ADGRL4: variants seen among roughly 807,000 people sequenced by gnomAD.
ADGRL4 encodes the protein adhesion G protein-coupled receptor L4.
ADGRL4 carries 90 observed loss-of-function variants against 74.8 expected under a neutral mutation model. That is an observed-to-expected ratio of 1.20 (90% CI 1.02 to 1.43). The LOEUF (loss-of-function observed/expected upper bound fraction) is 1.43. Ranked by LOEUF, ADGRL4 falls within the 40% of genes most tolerant of loss-of-function variation. The probability of loss-of-function intolerance (pLI) is 0.00; values close to 1 mark genes in which losing one functional copy is unlikely to be tolerated. For synonymous variants in ADGRL4, 311 were observed against 279.2 expected (o/e 1.11, Z -1.14); for missense variants, 881 against 814.3 (o/e 1.08, Z -1.00).
intron 2 of ADGRL4, among the ~76,000 whole-genome samples, chr1:78,974,309 G>T (rs1046804926): frequency 3.9e-5 from 6 of 152,018 alleles, no homozygotes; most frequent in Non-Finnish European, 7.4e-5. Flanking sequence ...TAGTACTATG[G>T]TCTATCTTCT....
chr1:79,006,497 A>G (rs1160051447), intron 1 of ADGRL4, 136 bp downstream of exon 1: 2 of 944,880 alleles, frequency 2.1e-6, no homozygotes, highest in Non-Finnish European at 3.1e-6. Flanking sequence ...ACATCCTGAG[A>G]AGTACTAAAT....
At chr1:78,923,030 TTGTC>T (rs1250991037) in intron 8 of ADGRL4, among the ~76,000 whole-genome samples, 4 of 151,946 alleles carry the variant, frequency 2.6e-5, no homozygotes, top group Non-Finnish European at 5.9e-5. Flanking sequence ...AACTGTGAGT[TTGTC>T]TGGAATGAGT....
At position 78,937,982 on chromosome 1, in the gene ADGRL4, T is replaced by C. The variant is rs553938953; in HGVS notation, c.585A>G (p.Val195=). The change falls in exon 6 of 15, where the codon GTA becomes GTG. Residue 195 remains valine, a synonymous_variant. Coordinates refer to ENST00000370742, the MANE Select transcript of ADGRL4 (RefSeq NM_022159.4). ...TLSNSTLTEF[V]KTVNNFVQRD... is the part of the protein sequence containing the mutation. Reference sequence around the variant, plus strand: ...TTTGAACAAAATTATTCACGGTTTTTACAAATTCCTATTGAAAAAAAGTAT... The same window carrying C: ...TTTGAACAAAATTATTCACGGTTTTCACAAATTCCTATTGAAAAAAAGTAT... 2.5e-6 allele frequency: 4 copies of C among 1,609,664 alleles called. No homozygotes were observed. The highest frequency in any genetic ancestry group is 1.1e-5 in the South Asian group (1 of 89,824).
intron 1 of ADGRL4, among the ~76,000 whole-genome samples, chr1:79,005,714 CTGTT>C (rs1272385166): frequency 1.3e-5 from 2 of 152,132 alleles, no homozygotes; most frequent in Non-Finnish European, 2.9e-5. Context: ...GATGCACTTG[CTGTT>C]TTTTTCTGTG....
intron 2 of ADGRL4, among the ~76,000 whole-genome samples, chr1:78,965,723 G>A (rs1284179478): frequency 4.6e-5 from 7 of 152,032 alleles, no homozygotes; most frequent in Non-Finnish European, 8.8e-5. Context: ...AATTAACTCT[G>A]TCATTTAAAT....
chr1:78,956,837 A>G (rs1384088595), intron 2 of ADGRL4, among the ~76,000 whole-genome samples: 1 of 152,200 alleles, frequency 6.6e-6, no homozygotes, highest in Non-Finnish European at 1.5e-5. Context: ...GAGTACAGGC[A>G]TACCTTGTCT....
At chr1:78,981,952 A>T (rs1016036320) in intron 2 of ADGRL4, among the ~76,000 whole-genome samples, 1 of 151,798 alleles carries the variant, frequency 6.6e-6, no homozygotes. Context: ...CTCTACTTTT[A>T]GTCTTCTTTG....
At position 78,938,280 on chromosome 1, in the gene ADGRL4, C is replaced by T; in HGVS notation, c.397-1G>A. 3 of 1,563,100 alleles carry T rather than the reference C, an allele frequency of 1.9e-6. No homozygotes were observed. The highest frequency in any genetic ancestry group is 2.6e-6 in the Non-Finnish European group (3 of 1,162,406). On this transcript the variant is annotated splice_acceptor_variant, in intron 4 of 14. Transcript: ENST00000370742. LOFTEE classifies it high-confidence loss of function. ...CCACAGGTTCTTTTATGGATCTGATCTGAGAAAAAATGAGTCCAGAAAAAG... is the reference window on the plus strand; with the variant it reads ...CCACAGGTTCTTTTATGGATCTGATTTGAGAAAAAATGAGTCCAGAAAAAG...
At position 79,005,106 on chromosome 1, in the gene ADGRL4, T is replaced by C. The variant is rs370866303; in HGVS notation, c.136A>G (p.Met46Val). ...GTGACACCATTTCCTGAAAATCCCA[T>C]GTTGCAATAGCAGGCTTCAATTCCA... ...RNGIEACYCN[M>V]GFSGNGVTIC... is the part of the protein sequence containing the mutation. Residue 46 changes from methionine to valine, a missense_variant, in exon 2 of 15, where the codon ATG becomes GTG. Physicochemically the swap from Met to Val is conservative, Grantham distance 21. Transcript: ENST00000370742. 1.2e-6 allele frequency: 2 copies of C among 1,612,504 alleles called. No individual in the cohort carries two copies. Among genetic ancestry groups the C allele is most frequent in the African/African-American group, 1.3e-5 (1 of 74,890 alleles).
Position 78,938,189 on chromosome 1 carries a change from T to C in ADGRL4, c.487A>G (p.Ile163Val). 2 of 1,611,798 alleles carry C rather than the reference T, an allele frequency of 1.2e-6. No individual in the cohort carries two copies. The highest frequency in any genetic ancestry group is 1.7e-6 in the Non-Finnish European group (2 of 1,178,832). Residue 163 changes from isoleucine to valine, a missense_variant, in exon 5 of 15, where the codon ATA becomes GTA. Transcript: ENST00000370742. Reference protein sequence around the residue: ...DLSPTDIITYIEILAESSSLL... With the variant: ...DLSPTDIITYVEILAESSSLL... ...GAAGATGATTCAGCTAATATTTCTA[T>C]ATATGTAATTATATCTGTTGGTGAA...
chr1:78,896,939 A>T (rs1648411654), intron 12 of ADGRL4, among the ~76,000 whole-genome samples: 1 of 152,164 alleles, frequency 6.6e-6, no homozygotes, highest in Non-Finnish European at 1.5e-5. Flanking sequence ...ACCATGCCAT[A>T]GGGCAGTTGA....
intron 3 of ADGRL4, among the ~76,000 whole-genome samples, chr1:78,943,188 AC>A (rs1391357656): frequency 1.9e-4 from 29 of 152,202 alleles, no homozygotes; most frequent in Non-Finnish European, 4.4e-5. Flanking sequence ...AAAAAAATCT[AC>A]AATTATCATC....
At chr1:78,968,261 A>G (rs1455012234) in intron 2 of ADGRL4, among the ~76,000 whole-genome samples, 1 of 151,980 alleles carries the variant, frequency 6.6e-6, no homozygotes, top group African/African-American at 2.4e-5. Flanking sequence ...CTGGTGGGAA[A>G]TATTTTAAAA....
intron 7 of ADGRL4, among the ~76,000 whole-genome samples, chr1:78,934,990 G>C (rs937196207): frequency 7.2e-5 from 11 of 152,084 alleles, no homozygotes; most frequent in African/African-American, 2.7e-4. Flanking sequence ...GTGGAAGACA[G>C]TGGTGATTCC....
intron 2 of ADGRL4, among the ~76,000 whole-genome samples, chr1:78,981,830 ATTAT>A (rs1311427761): frequency 1.3e-5 from 2 of 151,842 alleles, no homozygotes; most frequent in East Asian, 1.9e-4. Flanking sequence ...TACAAATTTA[ATTAT>A]TTAAGATATT....
At chr1:78,973,093 C>T (rs1337943077) in intron 2 of ADGRL4, among the ~76,000 whole-genome samples, 4 of 152,070 alleles carry the variant, frequency 2.6e-5, no homozygotes, top group Non-Finnish European at 5.9e-5. Context: ...GTTTTCCTTC[C>T]AGTTTTAGTC....
intron 2 of ADGRL4, among the ~76,000 whole-genome samples, chr1:78,994,600 T>G (rs1387365136): frequency 2.0e-5 from 3 of 152,226 alleles, no homozygotes; most frequent in Non-Finnish European, 4.4e-5. Flanking sequence ...GAAATTATTT[T>G]TTCATTACTA....
chr1:78,938,047 G>A, intron 5 of ADGRL4, 53 bp downstream of exon 5: 1 of 1,602,732 alleles, frequency 6.2e-7, no homozygotes. Context: ...ATTCACAAAT[G>A]AAAGGAAAAA....
chr1:78,992,525 G>A (rs987796533), intron 2 of ADGRL4, among the ~76,000 whole-genome samples: 2 of 152,036 alleles, frequency 1.3e-5, no homozygotes, highest in African/African-American at 4.8e-5. Flanking sequence ...AAGTGTTAGA[G>A]TTTGTTCCCT....
Sources: allele counts gnomAD v4.1 joint callset (sites outside exome capture counted in the v4.1 genomes callset), GRCh38; gene constraint gnomAD v4.1.1; transcripts MANE v1.5; gene names NCBI Gene and HGNC (gene_info 2026-07-23, HGNC 2026-07-21).